UNC79: variants seen among roughly 807,000 people sequenced by gnomAD.
UNC79 encodes unc-79 subunit of NALCN channel complex, also known as protein unc-79 homolog.
A neutral mutation model predicts 283.1 loss-of-function variants in UNC79; 37 were observed. That is an observed-to-expected ratio of 0.13 (90% CI 0.10 to 0.17). The LOEUF (loss-of-function observed/expected upper bound fraction) is 0.17. Ranked by LOEUF, UNC79 falls within the 10% of genes least tolerant of loss-of-function variation. The probability of loss-of-function intolerance (pLI) is 1.00; values close to 1 mark genes in which losing one functional copy is unlikely to be tolerated. For missense variants in UNC79, 2,272 were observed against 3,211.1 expected, an observed-to-expected ratio of 0.71 and a Z score of 7.07; for synonymous variants, 1,107 against 1,200.2, an observed-to-expected ratio of 0.92 and a Z score of 1.61.
At chr14:93,493,891 ATATATATATATTT>A (rs1346922581) in intron 5 of UNC79, among the ~76,000 whole-genome samples, 2 of 64,224 alleles carry the variant, frequency 3.1e-5, no homozygotes, top group South Asian at 6.4e-4. Context: ...ATATATATAT[ATATATATATATTT>A]TTTTTTTTTT....
chr14:93,699,643 A>T (rs2075390540), intron 47 of UNC79, among the ~76,000 whole-genome samples: 1 of 152,200 alleles, frequency 6.6e-6, no homozygotes, highest in Non-Finnish European at 1.5e-5. Context: ...GCCTTCAAGG[A>T]ATATTATACC....
At chr14:93,487,565 T>C (rs1041663861) in intron 4 of UNC79, 98 bp from the exon 5 acceptor site, 20 of 948,386 alleles carry the variant, frequency 2.1e-5, no homozygotes, top group Non-Finnish European at 3.1e-5. Flanking sequence ...GGAGCTATTT[T>C]TTTTTTTAAA....
At chr14:93,397,761 A>AT (rs35050949) in intron 1 of UNC79, among the ~76,000 whole-genome samples, 88,048 of 139,116 alleles carry the variant, frequency 0.63, 28,294 homozygotes, top group Admixed American at 0.7. Flanking sequence ...GGTTGGAGTC[A>AT]TTTTTTTTTT....
intron 1 of UNC79, among the ~76,000 whole-genome samples, chr14:93,443,180 C>T (rs1242973912): frequency 2.0e-5 from 3 of 151,420 alleles, no homozygotes; most frequent in South Asian, 2.1e-4. Context: ...GCTGAGATTG[C>T]GCCACTGCAC....
chr14:93,578,141 T>C, intron 18 of UNC79, 78 bp downstream of exon 18: 1 of 1,340,488 alleles, frequency 7.5e-7, no homozygotes, highest in Non-Finnish European at 1.0e-6. Flanking sequence ...TTTCCATGTG[T>C]TGGGCATCTC....
chr14:93,358,148 A>C (rs907838803), intron 1 of UNC79, among the ~76,000 whole-genome samples: 1 of 151,744 alleles, frequency 6.6e-6, no homozygotes, highest in African/African-American at 2.4e-5. Flanking sequence ...AATGGTAAGG[A>C]TGCTACTTCT....
At chr14:93,492,546 A>C (rs1487288603) in intron 5 of UNC79, among the ~76,000 whole-genome samples, 2 of 151,834 alleles carry the variant, frequency 1.3e-5, no homozygotes, top group African/African-American at 4.8e-5. Context: ...TAGAGATGGG[A>C]TTTCATCATG....
At chr14:93,433,807 C>G (rs2055973432) in intron 1 of UNC79, among the ~76,000 whole-genome samples, 1 of 152,132 alleles carries the variant, frequency 6.6e-6, no homozygotes, top group South Asian at 2.1e-4. Context: ...CATTTCAACC[C>G]AAACCAGCTT....
At position 93,621,586 on chromosome 14, in the gene UNC79, A is replaced by G. The variant is rs1343867117; in HGVS notation, c.4388-35A>G. 2 of 1,500,544 alleles carry G rather than the reference A, an allele frequency of 1.3e-6. No individual in the cohort carries two copies. The highest frequency in any genetic ancestry group is 1.4e-5 in the African/African-American group (1 of 71,426). The allele number at this position is 1,500,544 out of a possible 1,614,324, so 93.0% of individuals were successfully genotyped here. ...AGGGGAAAAAATGGTGAAATCTCCA[A>G]GTAAAATAGTACTAGCTTTTTCTGT... On this transcript the variant is annotated intron_variant, in intron 29 of 48. Coordinates refer to ENST00000555664, the Ensembl canonical transcript of UNC79. The surrounding 1 kb of genome is among the most constrained non-coding windows in gnomAD (Gnocchi z 4.8).
At chr14:93,487,124 T>G (rs1027005063) in intron 4 of UNC79, among the ~76,000 whole-genome samples, 2 of 152,224 alleles carry the variant, frequency 1.3e-5, no homozygotes, top group African/African-American at 2.4e-5. Context: ...ATGTGAAAAT[T>G]GAAAATCTTT....
chr14:93,668,901 G>A (rs1403226703), intron 40 of UNC79, among the ~76,000 whole-genome samples: 1 of 149,374 alleles, frequency 6.7e-6, no homozygotes, highest in Non-Finnish European at 1.5e-5. Context: ...CGGGGCTGAG[G>A]TGGGAAAATC....
chr14:93,519,390 A>G (rs117111713), intron 7 of UNC79, among the ~76,000 whole-genome samples: 2 of 151,866 alleles, frequency 1.3e-5, no homozygotes, highest in East Asian at 3.9e-4. Flanking sequence ...AGCTTATCTG[A>G]GCCTTTATAA....
chr14:93,576,189 T>C (rs966374725), intron 17 of UNC79, among the ~76,000 whole-genome samples: 3 of 152,184 alleles, frequency 2.0e-5, no homozygotes, highest in Non-Finnish European at 4.4e-5. Flanking sequence ...CCTAACCTGA[T>C]GTTCAGTGAA....
intron 8 of UNC79, among the ~76,000 whole-genome samples, chr14:93,527,397 A>T (rs962117744): frequency 3.3e-5 from 5 of 152,274 alleles, no homozygotes; most frequent in Non-Finnish European, 7.3e-5. Context: ...TTACAAAAAA[A>T]GTTTGCCAAT....
chr14:93,438,009 G>A (rs2056152849), intron 1 of UNC79, among the ~76,000 whole-genome samples: 2 of 152,160 alleles, frequency 1.3e-5, no homozygotes, highest in South Asian at 4.1e-4. Context: ...ATTACATTTT[G>A]TCTTATTAAT....
intron 23 of UNC79, among the ~76,000 whole-genome samples, chr14:93,595,904 T>C (rs1045094118): frequency 6.6e-6 from 1 of 152,168 alleles, no homozygotes; most frequent in Non-Finnish European, 1.5e-5. Context: ...CCTAAGATAG[T>C]TTCTTAGTGG....
chr14:93,399,750 G>A (rs1475598634), intron 1 of UNC79, among the ~76,000 whole-genome samples: 1 of 152,142 alleles, frequency 6.6e-6, no homozygotes, highest in African/African-American at 2.4e-5. Flanking sequence ...ACAAGTAGTA[G>A]AGGGTTTATT....
rs200838169 is a variant in UNC79, at chr14:93,347,311, C to T, written c.-351+13788C>T. The T allele has an allele frequency of 7.5e-6, 12 of 1,605,614 alleles. No individual in the cohort carries two copies. Among genetic ancestry groups the T allele is most frequent in the East Asian group, 2.2e-5 (1 of 44,716 alleles). On this transcript the variant is annotated intron_variant, in intron 1 of 49. Transcript: ENST00000256339. Reference sequence around the variant, plus strand: ...GCGCTGTCCTGCCCGCCGCCACTACCGCCGCTTGGCCCTGCTCGGCCTGCA... The same window carrying T: ...GCGCTGTCCTGCCCGCCGCCACTACTGCCGCTTGGCCCTGCTCGGCCTGCA...
intron 26 of UNC79, among the ~76,000 whole-genome samples, chr14:93,608,421 A>G (rs1011700207): frequency 1.3e-5 from 2 of 152,178 alleles, no homozygotes; most frequent in African/African-American, 4.8e-5. Context: ...TGATTGGTGG[A>G]TGAGACATAA....
Sources: gnomAD v4.1 joint callset for allele counts (sites outside exome capture counted in the v4.1 genomes callset) on GRCh38, gnomAD v4.1.1 for gene constraint, Gnocchi (gnomAD v3.1) non-coding constraint, MANE v1.5 for transcripts, NCBI Gene and HGNC (gene_info 2026-07-23, HGNC 2026-07-21) for gene names.